RAB7A: variants seen among roughly 807,000 people sequenced by gnomAD.
RAB7A encodes RAB7A, member RAS oncogene family.
A neutral mutation model predicts 24.5 loss-of-function variants in RAB7A; 2 were observed. The observed-to-expected ratio is 0.08, with a 90% CI of 0.03 to 0.26. RAB7A has a LOEUF of 0.26. Among genes scored for constraint, RAB7A ranks in the 10% least tolerant of loss-of-function variants. The pLI is 1.00. For missense variants in RAB7A, 118 were observed against 255.7 expected (o/e 0.46, Z 3.67); for synonymous variants, 100 against 95.9 (o/e 1.04, Z -0.25).
chr3:128,807,021 A>C (rs1300117642), intron 4 of RAB7A, among the ~76,000 whole-genome samples: 1 of 152,224 alleles, frequency 6.6e-6, no homozygotes, highest in Non-Finnish European at 1.5e-5. Flanking sequence ...GATTAATTAC[A>C]ACTAGGTTTA....
chr3:128,729,134 A>AT (rs989114115), intron 1 of RAB7A, among the ~76,000 whole-genome samples: 3 of 151,498 alleles, frequency 2.0e-5, no homozygotes, highest in East Asian at 1.9e-4. Context: ...TTTTTTTAAA[A>AT]TTTTTTTTTA....
At chr3:128,795,751 C>CTTTTTTTTTTTTTTT (rs71153147) in intron 2 of RAB7A, among the ~76,000 whole-genome samples, 1,197 of 42,996 alleles carry the variant, frequency 0.028, 497 homozygotes, top group South Asian at 0.054. Context: ...AGCAGATGTG[C>CTTTTTTTTTTTTTTT]TTTTTTTTTT....
intron 1 of RAB7A, among the ~76,000 whole-genome samples, chr3:128,773,358 G>A (rs1254082200): frequency 2.0e-5 from 3 of 150,454 alleles, no homozygotes; most frequent in Non-Finnish European, 4.4e-5. Flanking sequence ...CCCTCCACCC[G>A]GCAGCCGCCC....
At chr3:128,802,903 C>G (rs986879258) in intron 3 of RAB7A, among the ~76,000 whole-genome samples, 14 of 152,152 alleles carry the variant, frequency 9.2e-5, no homozygotes, top group Admixed American at 6.5e-4. Context: ...CTCCCCGATT[C>G]AGGCAATTCT....
At chr3:128,797,677 G>A (rs555812916) in intron 2 of RAB7A, among the ~76,000 whole-genome samples, 1 of 152,280 alleles carries the variant, frequency 6.6e-6, no homozygotes, top group East Asian at 1.9e-4. Context: ...AATAATACTA[G>A]GCTCTACCAT....
intron 1 of RAB7A, among the ~76,000 whole-genome samples, chr3:128,756,710 A>G (rs528488207): frequency 3.3e-5 from 5 of 152,304 alleles, no homozygotes; most frequent in Non-Finnish European, 7.3e-5. Context: ...AATCTTGAAA[A>G]CACACAACCA....
At chr3:128,774,091 A>G (rs1020902092) in intron 1 of RAB7A, among the ~76,000 whole-genome samples, 6 of 151,046 alleles carry the variant, frequency 4.0e-5, no homozygotes, top group Non-Finnish European at 5.9e-5. Flanking sequence ...AAAAAAAAAA[A>G]AAAAGAAAAA....
chr3:128,749,205 C>T (rs1336603943), intron 1 of RAB7A: 1 of 152,262 alleles, frequency 6.6e-6, no homozygotes, highest in Non-Finnish European at 1.5e-5. Context: ...TGGCCATACT[C>T]TAGGATGTAG....
intron 1 of RAB7A, among the ~76,000 whole-genome samples, chr3:128,769,080 G>T (rs372325149): frequency 3.5e-5 from 5 of 141,838 alleles, no homozygotes; most frequent in African/African-American, 1.3e-4. Flanking sequence ...TTTTTGTAGA[G>T]ACAGGGTCTT....
At chr3:128,780,171 A>G (rs1933187171) in intron 1 of RAB7A, among the ~76,000 whole-genome samples, 1 of 152,230 alleles carries the variant, frequency 6.6e-6, no homozygotes, top group South Asian at 2.1e-4. Flanking sequence ...CTATAGGAAC[A>G]GTGGGGACAC....
intron 3 of RAB7A, among the ~76,000 whole-genome samples, chr3:128,800,238 A>G (rs569684989): frequency 2.1e-4 from 32 of 152,364 alleles, no homozygotes; most frequent in African/African-American, 7.7e-4. Flanking sequence ...AATTCTCAAC[A>G]GAAGGCAGAA....
intron 3 of RAB7A, among the ~76,000 whole-genome samples, chr3:128,804,063 G>A (rs560882344): frequency 2.6e-5 from 4 of 152,098 alleles, no homozygotes; most frequent in African/African-American, 7.2e-5. Flanking sequence ...AAAAAACCCC[G>A]AGAAACTGTT....
intron 1 of RAB7A, among the ~76,000 whole-genome samples, chr3:128,771,059 T>G (rs939512370): frequency 4.6e-5 from 7 of 151,746 alleles, no homozygotes; most frequent in Non-Finnish European, 7.4e-5. Context: ...AACCCCCACT[T>G]CCCGGGTTCA....
intron 1 of RAB7A, among the ~76,000 whole-genome samples, chr3:128,727,569 A>C (rs4384970): frequency 0.22 from 33,016 of 152,124 alleles, 5,105 homozygotes; most frequent in African/African-American, 0.43. Context: ...CCGAATTAGG[A>C]GCTCTTGAAT....
At chr3:128,802,428 C>T (rs1326573776) in intron 3 of RAB7A, among the ~76,000 whole-genome samples, 6 of 152,172 alleles carry the variant, frequency 3.9e-5, no homozygotes, top group African/African-American at 1.4e-4. Context: ...ACAGAGGGCA[C>T]AGGGTGCACC....
intron 1 of RAB7A, among the ~76,000 whole-genome samples, chr3:128,782,371 C>A (rs1933239547): frequency 6.6e-6 from 1 of 152,130 alleles, no homozygotes; most frequent in African/African-American, 2.4e-5. Context: ...TCCATCCAGG[C>A]TGATGCCCGC....
chr3:128,746,323 A>G (rs1243483271), intron 1 of RAB7A, among the ~76,000 whole-genome samples: 3 of 152,046 alleles, frequency 2.0e-5, no homozygotes, highest in Non-Finnish European at 2.9e-5. Context: ...CCCAGGCTAG[A>G]GTGCAGTGGC....
At chr3:128,807,768 A>T (rs1559797882) in intron 5 of RAB7A, 97 bp downstream of exon 5, 5 of 1,544,864 alleles carry the variant, frequency 3.2e-6, no homozygotes, top group Non-Finnish European at 3.6e-6. Context: ...TCCCTAACCC[A>T]CTCTTTTCTG....
At chr3:128,727,737 C>G (rs538000261) in intron 1 of RAB7A, among the ~76,000 whole-genome samples, 2 of 152,320 alleles carry the variant, frequency 1.3e-5, no homozygotes, top group South Asian at 4.1e-4. Context: ...AGAACGGACT[C>G]TTGTCTCTTT....
Sources: allele counts gnomAD v4.1 joint callset (sites outside exome capture counted in the v4.1 genomes callset), GRCh38; gene constraint gnomAD v4.1.1; transcripts MANE v1.5; gene names NCBI Gene and HGNC (gene_info 2026-07-23, HGNC 2026-07-21).